AEBP2: variants seen among roughly 807,000 people sequenced by gnomAD.
AEBP2 encodes AE binding protein 2, also known as zinc finger protein AEBP2.
Under a neutral mutation model 50.8 loss-of-function variants are expected in AEBP2, and 10 were observed. That is an observed-to-expected ratio of 0.20 (90% CI 0.12 to 0.33). AEBP2 has a LOEUF of 0.33. Among genes scored for constraint, AEBP2 ranks in the 10% least tolerant of loss-of-function variants. The probability of loss-of-function intolerance (pLI) is 1.00; values close to 1 mark genes in which losing one functional copy is unlikely to be tolerated. For synonymous variants in AEBP2, 296 were observed against 261.3 expected, an observed-to-expected ratio of 1.13 and a Z score of -1.28; for missense variants, 570 against 688.0, an observed-to-expected ratio of 0.83 and a Z score of 1.92.
At chr12:19,417,316 A>G (rs1298284773) in intron 1 of AEBP2, among the ~76,000 whole-genome samples, 10 of 152,218 alleles carry the variant, frequency 6.6e-5, no homozygotes, top group Non-Finnish European at 1.5e-4. Flanking sequence ...ACATAAAGTA[A>G]ACACCAATAA....
At chr12:19,449,536 A>G (rs1437263840) in intron 1 of AEBP2, among the ~76,000 whole-genome samples, 5 of 152,234 alleles carry the variant, frequency 3.3e-5, no homozygotes, top group South Asian at 4.1e-4. Flanking sequence ...CATAGACTAT[A>G]TTTCATCATT....
intron 1 of AEBP2, among the ~76,000 whole-genome samples, chr12:19,415,671 C>CAATAT (rs1565694876): frequency 6.7e-6 from 1 of 149,220 alleles, no homozygotes; most frequent in African/African-American, 2.5e-5. Context: ...CAATACAATA[C>CAATAT]AATACAATAC....
At chr12:19,469,124 C>T (rs1412966886) in intron 2 of AEBP2, among the ~76,000 whole-genome samples, 1 of 152,102 alleles carries the variant, frequency 6.6e-6, no homozygotes, top group Admixed American at 6.6e-5. Flanking sequence ...TGGGGTTTCG[C>T]CATGTTGGCC....
chr12:19,435,003 TAATA>T (rs1243151384), upstream of AEBP2, among the ~76,000 whole-genome samples: 4 of 152,178 alleles, frequency 2.6e-5, no homozygotes, highest in African/African-American at 7.2e-5. Flanking sequence ...TTTTTTCCCT[TAATA>T]AATCCTTCAC....
At chr12:19,459,510 C>T (rs1248715562) in intron 1 of AEBP2, among the ~76,000 whole-genome samples, 3 of 152,092 alleles carry the variant, frequency 2.0e-5, no homozygotes, top group Non-Finnish European at 2.9e-5. Flanking sequence ...GGATTACAGG[C>T]GTGAGCCACC....
In AEBP2 at chr12:19,417,885, A is replaced by G. The variant is rs373968922; in HGVS notation, c.-17+13669A>G. Among the ~76,000 whole-genome samples the G allele has an allele frequency of 7.9e-5, 12 of 151,498 alleles. No individual in the cohort carries two copies. In the East Asian group the frequency reaches 1.6e-3, roughly 20 times the overall value. ...ACGCCCAGCTATTTTTTGTGTTTTT[A>G]GTAGAGATGGGGTTTTATCATGTTG... On this transcript the variant is annotated intron_variant, in intron 1 of 3. Transcript: ENST00000538425.
chr12:19,444,485 C>T (rs1197962012), intron 1 of AEBP2, among the ~76,000 whole-genome samples: 1 of 152,194 alleles, frequency 6.6e-6, no homozygotes, highest in African/African-American at 2.4e-5. Flanking sequence ...GTGATTCCAG[C>T]ACTTTGGGAG....
intron 3 of AEBP2, among the ~76,000 whole-genome samples, chr12:19,474,447 G>C (rs1350563299): frequency 6.6e-6 from 1 of 152,086 alleles, no homozygotes; most frequent in African/African-American, 2.4e-5. Flanking sequence ...TATAGCAAAG[G>C]TTTACACTAA....
At chr12:19,506,480 A>G (rs1484647749) in intron 5 of AEBP2, among the ~76,000 whole-genome samples, 2 of 152,340 alleles carry the variant, frequency 1.3e-5, no homozygotes, top group South Asian at 2.1e-4. Context: ...AACTGTACCC[A>G]TTGAAAGTAT....
At chr12:19,437,338 A>C (rs1339620574), upstream of AEBP2, among the ~76,000 whole-genome samples, 4 of 152,122 alleles carry the variant, frequency 2.6e-5, no homozygotes, top group Admixed American at 2.6e-4. Context: ...CCATTAAATT[A>C]ATTTGTTACA....
At chr12:19,448,789 C>T (rs1948118077) in intron 1 of AEBP2, among the ~76,000 whole-genome samples, 1 of 152,140 alleles carries the variant, frequency 6.6e-6, no homozygotes. Flanking sequence ...AAGTGACTGT[C>T]CTGCCTCAGC....
chr12:19,520,971 TA>T lies in AEBP2; in HGVS notation c.*2855del, dbSNP rs1263267371. The T allele has an allele frequency of 2.6e-5, 4 of 152,228 alleles. No homozygotes were observed. The highest frequency in any genetic ancestry group is 2.6e-4 in the Admixed American group (4 of 15,288). The allele number at this position is 152,228 out of a possible 1,614,324, so 9.4% of individuals were successfully genotyped here. ...CTGTTGTATAAAATTACCTTCAGTCTATGTGTATAAGGTGTTTGTGAGATAT... is the reference window on the plus strand; with the variant it reads ...CTGTTGTATAAAATTACCTTCAGTCTTGTGTATAAGGTGTTTGTGAGATAT... On this transcript the variant is annotated 3_prime_UTR_variant, in exon 8 of 8. Coordinates refer to ENST00000266508, the MANE Select transcript of AEBP2 (RefSeq NM_153207.5).
intron 3 of AEBP2, among the ~76,000 whole-genome samples, chr12:19,475,614 G>T (rs1320302618): frequency 1.3e-5 from 2 of 152,086 alleles, no homozygotes; most frequent in East Asian, 3.9e-4. Context: ...GACAATCCCA[G>T]TAGTGGGATT....
intron 1 of AEBP2, among the ~76,000 whole-genome samples, chr12:19,409,841 C>T (rs977936982): frequency 6.6e-6 from 1 of 152,242 alleles, no homozygotes; most frequent in South Asian, 2.1e-4. Flanking sequence ...CTAATTTAGG[C>T]TTTGTACTTA....
chr12:19,435,576 A>G (rs1485354460), upstream of AEBP2, among the ~76,000 whole-genome samples: 2 of 151,984 alleles, frequency 1.3e-5, no homozygotes. Flanking sequence ...CTTCAATCTA[A>G]TATTTAACTA....
intron 1 of AEBP2, among the ~76,000 whole-genome samples, chr12:19,407,745 A>G (rs2095737086): frequency 6.6e-6 from 1 of 151,340 alleles, no homozygotes; most frequent in Non-Finnish European, 1.5e-5. Context: ...AGCCGAGCCT[A>G]TTGCTTAAAA....
rs187323165 is a variant in AEBP2, at chr12:19,476,434, C to T, written c.987+3079C>T. Among the ~76,000 whole-genome samples, 247 of 152,184 alleles carry T rather than the reference C, an allele frequency of 1.6e-3. 1 individual carries two copies. Among genetic ancestry groups the T allele is most frequent in the African/African-American group, 5.1e-3 (212 of 41,522 alleles). On this transcript the variant is annotated intron_variant, in intron 3 of 7. Transcript: ENST00000266508. ...TTGACTTACTGCAACCTCTGCCTCC[C>T]GAGTTCAAGCAATTCTCCCGCCTCA...
chr12:19,512,043 T>C (rs1369448800), intron 5 of AEBP2, among the ~76,000 whole-genome samples: 3 of 151,934 alleles, frequency 2.0e-5, no homozygotes, highest in African/African-American at 7.2e-5. Context: ...TTTTTTTTTT[T>C]CTCTGAGATG....
At position 19,439,744 on chromosome 12, in the gene AEBP2, C is replaced by T. The variant is rs1205399915; in HGVS notation, c.45C>T (p.Ser15=). Reference sequence around the variant, plus strand: ...ACATGGCCGACCTGGAGGAGCTCTCCCGCCTGAGCCCTCTGCCCCCCGGCA... The same window carrying T: ...ACATGGCCGACCTGGAGGAGCTCTCTCGCCTGAGCCCTCTGCCCCCCGGCA... The part of the protein sequence containing the change: ...ITDMADLEEL[S]RLSPLPPGSP... Residue 15 remains serine, a synonymous_variant, in exon 1 of 8, where the codon TCC becomes TCT. Transcript: ENST00000266508. 2.6e-6 allele frequency: 4 copies of T among 1,517,482 alleles called. No individual in the cohort carries two copies. The South Asian group carries it at 3.6e-5, about 14-fold the overall frequency. The allele number at this position is 1,517,482 out of a possible 1,614,324, so 94.0% of individuals were successfully genotyped here. A position where few individuals can be genotyped will look rare whatever the true frequency, so the allele number is the denominator to read the frequency against.
Sources: gnomAD v4.1 joint callset for allele counts (sites outside exome capture counted in the v4.1 genomes callset) on GRCh38, gnomAD v4.1.1 for gene constraint, MANE v1.5 for transcripts, NCBI Gene and HGNC (gene_info 2026-07-23, HGNC 2026-07-21) for gene names.